ULK4: variants seen among roughly 807,000 people sequenced by gnomAD.
The protein encoded by ULK4 is inactive serine/threonine-protein kinase ULK4.
Under a neutral mutation model 160.6 loss-of-function variants are expected in ULK4, and 133 were observed. The observed-to-expected ratio is 0.83, with a 90% CI of 0.72 to 0.96. ULK4 has a LOEUF of 0.96. ULK4 is among the 40% of genes least tolerant of loss of function. The pLI is 0.00. For synonymous variants in ULK4, 534 were observed against 539.8 expected (o/e 0.99, Z 0.15); for missense variants, 1,580 against 1,499.5 (o/e 1.05, Z -0.89).
intron 34 of ULK4, among the ~76,000 whole-genome samples, chr3:41,404,071 G>C (rs1182853307): frequency 6.6e-6 from 1 of 152,120 alleles, no homozygotes; most frequent in Non-Finnish European, 1.5e-5. Flanking sequence ...CTGTTGTTGT[G>C]TGAAGTGCTC....
At chr3:41,805,309 C>T (rs1298813207) in intron 19 of ULK4, among the ~76,000 whole-genome samples, 3 of 152,108 alleles carry the variant, frequency 2.0e-5, no homozygotes, top group African/African-American at 4.8e-5. Flanking sequence ...TATAAGAATG[C>T]TTGTGATTTT....
At chr3:41,305,896 C>CCT (rs1040010053) in intron 35 of ULK4, among the ~76,000 whole-genome samples, 9 of 148,120 alleles carry the variant, frequency 6.1e-5, no homozygotes, top group Admixed American at 5.3e-4. Flanking sequence ...GTGAGGAGCA[C>CCT]CTCTGCCCGG....
At chr3:41,879,029 C>G (rs1030611059) in intron 17 of ULK4, among the ~76,000 whole-genome samples, 1 of 152,028 alleles carries the variant, frequency 6.6e-6, no homozygotes, top group Non-Finnish European at 1.5e-5. Context: ...TTCTGGTATT[C>G]CAATTTGGGC....
At chr3:41,626,335 A>T (rs2033505294) in intron 30 of ULK4, among the ~76,000 whole-genome samples, 1 of 152,272 alleles carries the variant, frequency 6.6e-6, no homozygotes, top group African/African-American at 2.4e-5. Flanking sequence ...TTTAAATGTC[A>T]TGTATTTAAG....
chr3:41,333,970 C>A (rs1253778400), intron 35 of ULK4, among the ~76,000 whole-genome samples: 1 of 152,060 alleles, frequency 6.6e-6, no homozygotes, highest in African/African-American at 2.4e-5. Context: ...TATTTTAATA[C>A]AACATCTTAT....
intron 5 of ULK4, among the ~76,000 whole-genome samples, chr3:41,930,813 T>A (rs1254311966): frequency 6.6e-6 from 1 of 152,190 alleles, no homozygotes; most frequent in Non-Finnish European, 1.5e-5. Flanking sequence ...CCAGTCAGAA[T>A]GGCAATTATT....
Position 41,952,739 on chromosome 3 carries a change from A to G in ULK4, c.138+1883T>C, listed in dbSNP as rs142677774. On this transcript the variant is annotated intron_variant, in intron 2 of 36. Coordinates refer to ENST00000301831, the MANE Select transcript of ULK4 (RefSeq NM_017886.4). ...GAGTATATACACAAAATAAAGCAAGATCTCAAAGAGATATTTGTATCCACA... is the reference window on the plus strand; with the variant it reads ...GAGTATATACACAAAATAAAGCAAGGTCTCAAAGAGATATTTGTATCCACA... Among the ~76,000 whole-genome samples, 47 of 152,368 alleles carry G rather than the reference A, an allele frequency of 3.1e-4. 1 individual carries two copies. Among genetic ancestry groups the G allele is most frequent in the African/African-American group, 1.1e-3 (47 of 41,592 alleles).
At chr3:41,804,204 T>C (rs1354002665) in intron 19 of ULK4, among the ~76,000 whole-genome samples, 1 of 151,772 alleles carries the variant, frequency 6.6e-6, no homozygotes, top group Non-Finnish European at 1.5e-5. Context: ...GGTATCTCAT[T>C]GTGGTTTTGA....
intron 19 of ULK4, among the ~76,000 whole-genome samples, chr3:41,817,383 C>T (rs944667807): frequency 1.3e-5 from 2 of 151,820 alleles, no homozygotes; most frequent in East Asian, 1.9e-4. Flanking sequence ...GATTAACAAC[C>T]GGAATATGTG....
rs528202674 is a variant in ULK4 at position 41,696,062 on chromosome 3, G to C, written c.2781+8995C>G. On this transcript the variant is annotated intron_variant, in intron 27 of 36. Transcript: ENST00000301831. The stretch of plus-strand genomic sequence containing the variant: ...GGACCGTGGTCTAGCAGTAGCCTCA[G>C]TGTCAAGGAAAAACACCCACTACTT... Among the ~76,000 whole-genome samples the C allele has an allele frequency of 2.6e-5, 4 of 152,300 alleles. No individual in the cohort carries two copies. The South Asian group carries it at 8.3e-4, about 32-fold the overall frequency.
intron 35 of ULK4, among the ~76,000 whole-genome samples, chr3:41,265,749 A>G (rs1272726329): frequency 2.6e-5 from 4 of 152,172 alleles, no homozygotes; most frequent in African/African-American, 9.7e-5. Flanking sequence ...GCAGGGCCAC[A>G]GCTTTGAGGA....
chr3:41,585,990 T>TA (rs963236900), intron 31 of ULK4, among the ~76,000 whole-genome samples: 14 of 151,964 alleles, frequency 9.2e-5, no homozygotes, highest in East Asian at 1.9e-4. Flanking sequence ...ATGGCCACTA[T>TA]AAAAAAAACA....
At chr3:41,523,615 G>A (rs1435346803) in intron 32 of ULK4, among the ~76,000 whole-genome samples, 1 of 151,986 alleles carries the variant, frequency 6.6e-6, no homozygotes, top group Admixed American at 6.5e-5. Context: ...GGCCACAATT[G>A]AAAAGACAGA....
chr3:41,259,745 G>A (rs2078907157), intron 35 of ULK4: 1 of 152,198 alleles, frequency 6.6e-6, no homozygotes, highest in African/African-American at 2.4e-5. Context: ...TGGGCATGCT[G>A]TGGTACTTTG....
chr3:41,337,819 T>C lies in ULK4; in HGVS notation c.3678+60260A>G, dbSNP rs76672404. Among the ~76,000 whole-genome samples, 740 of 152,192 alleles carry C rather than the reference T, an allele frequency of 4.9e-3. 4 individuals are homozygous for C. The highest frequency in any genetic ancestry group is 0.017 in the African/African-American group (695 of 41,538). On this transcript the variant is annotated intron_variant, in intron 35 of 36. Transcript: ENST00000301831. ...TAAATTCAGCCCTCTGGGTTTCCTA[T>C]CCTAATAGGAATCCCAGAATCTCAA...
intron 35 of ULK4, among the ~76,000 whole-genome samples, chr3:41,296,369 A>T (rs573479995): frequency 4.6e-5 from 7 of 152,304 alleles, no homozygotes; most frequent in African/African-American, 1.7e-4. Context: ...TGGAAGTAGA[A>T]ACCCTCTGGG....
intron 34 of ULK4, among the ~76,000 whole-genome samples, chr3:41,404,886 T>C (rs1042999699): frequency 2.6e-5 from 4 of 152,254 alleles, no homozygotes; most frequent in South Asian, 2.1e-4. Flanking sequence ...AATACATTTC[T>C]GTTCATTATA....
chr3:41,696,648 C>A (rs1433299163), intron 27 of ULK4, among the ~76,000 whole-genome samples: 1 of 152,132 alleles, frequency 6.6e-6, no homozygotes, highest in Non-Finnish European at 1.5e-5. Context: ...GCAAGAAAAA[C>A]CCACCGACCC....
At chr3:41,915,927 T>C (rs1575942659) in intron 8 of ULK4, 50 bp downstream of exon 8, 2 of 1,318,448 alleles carry the variant, frequency 1.5e-6, no homozygotes, top group Non-Finnish European at 2.1e-6. Flanking sequence ...CCTTACTCCA[T>C]TTGCAGAACT....
Sources: allele counts gnomAD v4.1 joint callset (sites outside exome capture counted in the v4.1 genomes callset), GRCh38; gene constraint gnomAD v4.1.1; transcripts MANE v1.5; gene names NCBI Gene and HGNC (gene_info 2026-07-23, HGNC 2026-07-21).